Variants in FIBCD1 observed in about 807,000 individuals in gnomAD.
The protein encoded by FIBCD1 is fibrinogen C domain-containing protein 1.
Under a neutral mutation model 45.1 loss-of-function variants are expected in FIBCD1, and 47 were observed. The observed-to-expected ratio is 1.04, with a 90% CI of 0.82 to 1.33. The LOEUF is 1.33. FIBCD1 is among the 40% of genes most tolerant of loss of function. The probability of loss-of-function intolerance (pLI) is 0.00; values close to 1 mark genes in which losing one functional copy is unlikely to be tolerated. For synonymous variants in FIBCD1, 313 were observed against 308.1 expected, an observed-to-expected ratio of 1.02 and a Z score of -0.17; for missense variants, 653 against 682.2, an observed-to-expected ratio of 0.96 and a Z score of 0.48.
chr9:130,917,097 TAAAAC>T lies in FIBCD1; in HGVS notation c.850-5214_850-5210del, dbSNP rs71389378. Among the ~76,000 whole-genome samples, 233 of 151,740 alleles carry T rather than the reference TAAAAC, an allele frequency of 1.5e-3. 1 individual carries two copies. Among genetic ancestry groups the T allele is most frequent in the African/African-American group, 4.7e-3 (194 of 41,394 alleles). ...TGGGCAACAGAGTGAGACCTCGTCTTAAAACAAAACAAAACAAAATGGAGGCGGGG... is the reference window on the plus strand; with the variant it reads ...TGGGCAACAGAGTGAGACCTCGTCTTAAAACAAAACAAAATGGAGGCGGGG... On this transcript the variant is annotated intron_variant, in intron 4 of 6. Transcript: ENST00000372338.
intron 1 of FIBCD1, among the ~76,000 whole-genome samples, chr9:130,933,052 C>A (rs1299231158): frequency 1.3e-5 from 2 of 152,204 alleles, no homozygotes. Context: ...CCCACCCAAG[C>A]CCCTCCCTGG....
At chr9:130,924,492 G>T in intron 2 of FIBCD1, 96 bp from the exon 3 acceptor site, 1 of 1,230,400 alleles carries the variant, frequency 8.1e-7, no homozygotes, top group Non-Finnish European at 1.1e-6. Flanking sequence ...GCCCTCTCCT[G>T]AGGCAGAGGT....
At chr9:130,924,837 G>A (rs769948124) in intron 2 of FIBCD1, among the ~76,000 whole-genome samples, 1 of 152,172 alleles carries the variant, frequency 6.6e-6, no homozygotes, top group Non-Finnish European at 1.5e-5. Flanking sequence ...TCCTCACCAC[G>A]CCTCGTCTCC....
Position 130,938,667 on chromosome 9 carries a change from A to C in FIBCD1, c.-60T>G. Reference sequence around the variant, plus strand: ...CGCGCCGCTGCGGAGCGCAAAGGAGACGGGGTGGGCGCGGGCGCGGGCGCG... The same window carrying C: ...CGCGCCGCTGCGGAGCGCAAAGGAGCCGGGGTGGGCGCGGGCGCGGGCGCG... On this transcript the variant is annotated 5_prime_UTR_variant, in exon 1 of 7. Transcript: ENST00000372338. 8.3e-7 allele frequency: 1 copy of C among 1,201,248 alleles called. No homozygotes were observed. Among genetic ancestry groups the C allele is most frequent in the Non-Finnish European group, 1.1e-6 (1 of 948,146 alleles). 74.4% of individuals were successfully genotyped at this position (1,201,248 alleles called of 1,614,324 possible). A position where few individuals can be genotyped will look rare whatever the true frequency, so the allele number is the denominator to read the frequency against.
intron 4 of FIBCD1, among the ~76,000 whole-genome samples, chr9:130,918,955 C>T (rs981392770): frequency 6.6e-6 from 1 of 152,242 alleles, no homozygotes; most frequent in East Asian, 1.9e-4. Flanking sequence ...ACCACCCTCC[C>T]TGCAGAGCCA....
rs761184049 is a variant in FIBCD1 at position 130,938,525 on chromosome 9, C to A, written c.72+11G>T. ...GCCGCCCAGGCCCCGTGTCCCAGCG[C>A]CCGAGCGTACCTGCGGCTTGTCGCG... On this transcript the variant is annotated intron_variant, in intron 1 of 6. Transcript: ENST00000372338. The A allele has an allele frequency of 9.4e-6, 14 of 1,487,166 alleles. No individual in the cohort carries two copies. The highest frequency in any genetic ancestry group is 1.2e-5 in the Non-Finnish European group (14 of 1,124,504). 92.1% of individuals were successfully genotyped at this position (1,487,166 alleles called of 1,614,324 possible).
chr9:130,913,748 T>C (rs1832107884), intron 4 of FIBCD1, among the ~76,000 whole-genome samples: 3 of 152,032 alleles, frequency 2.0e-5, no homozygotes, highest in African/African-American at 7.2e-5. Flanking sequence ...TAGCAGAAGC[T>C]CAGGCACTCC....
At chr9:130,934,445 A>G (rs1832488661) in intron 1 of FIBCD1, among the ~76,000 whole-genome samples, 1 of 152,200 alleles carries the variant, frequency 6.6e-6, no homozygotes, top group African/African-American at 2.4e-5. Flanking sequence ...CTCAGGCCAC[A>G]GGGAGGGGCG....
At chr9:130,923,620 G>T in intron 4 of FIBCD1, 124 bp downstream of exon 4, 1 of 1,413,556 alleles carries the variant, frequency 7.1e-7, no homozygotes, top group Non-Finnish European at 9.5e-7. Context: ...CACCAGGGCA[G>T]GGCCAGTCCA....
rs1054337619 is a variant in FIBCD1 at position 130,933,582 on chromosome 9, G to A, written c.73-3536C>T. Among the ~76,000 whole-genome samples, 6 of 152,288 alleles carry A rather than the reference G, an allele frequency of 3.9e-5. No individual in the cohort carries two copies. The East Asian group carries it at 1.2e-3, about 29-fold the overall frequency. ...CCACCCAGGGTTCACGGCTGCCTACGAAGCCTTGGCCAAAAGGAGGATAAA... is the reference window on the plus strand; with the variant it reads ...CCACCCAGGGTTCACGGCTGCCTACAAAGCCTTGGCCAAAAGGAGGATAAA... On this transcript the variant is annotated intron_variant, in intron 1 of 6. Coordinates refer to ENST00000372338, the MANE Select transcript of FIBCD1 (RefSeq NM_032843.5).
intron 4 of FIBCD1, among the ~76,000 whole-genome samples, chr9:130,912,464 T>C (rs1832075390): frequency 6.7e-6 from 1 of 149,604 alleles, no homozygotes; most frequent in South Asian, 2.1e-4. Flanking sequence ...CCCAGAACTT[T>C]GGGAGGCCGA....
At chr9:130,938,283 G>A (rs1832551314) in intron 1 of FIBCD1, 1 of 405,928 alleles carries the variant, frequency 2.5e-6, no homozygotes, top group Admixed American at 4.8e-5. Flanking sequence ...GGGGCTGCTG[G>A]GGGTGCGGGG....
chr9:130,911,162 C>T (rs1024105826), intron 5 of FIBCD1, among the ~76,000 whole-genome samples: 3 of 152,228 alleles, frequency 2.0e-5, no homozygotes, highest in Non-Finnish European at 4.4e-5. Flanking sequence ...GCAACACTCA[C>T]CGTGAAGGTC....
At chr9:130,940,032 A>C (rs1270309510), upstream of FIBCD1, among the ~76,000 whole-genome samples, 1 of 151,288 alleles carries the variant, frequency 6.6e-6, no homozygotes, top group Admixed American at 6.6e-5. Flanking sequence ...CTTCTCCCCA[A>C]AGCTGTTTTC....
At chr9:130,911,539 C>T (rs1255092880) in intron 5 of FIBCD1, among the ~76,000 whole-genome samples, 1 of 152,262 alleles carries the variant, frequency 6.6e-6, no homozygotes, top group East Asian at 1.9e-4. Flanking sequence ...AAGTGGCCTC[C>T]AAGGGCATGT....
intron 4 of FIBCD1, among the ~76,000 whole-genome samples, chr9:130,917,419 G>A (rs906842318): frequency 8.5e-5 from 13 of 152,242 alleles, no homozygotes; most frequent in Non-Finnish European, 1.8e-4. Flanking sequence ...GGTGCTGGGC[G>A]GGTTCAAAGG....
At position 130,929,901 on chromosome 9, in the gene FIBCD1, G is replaced by GC; in HGVS notation, c.217dup (p.Ala73GlyfsTer23). ...AGTGACCAGGGCGCTGTTGGCGCTG[G>GC]CAGCCCCAGTGCTGACGACAGGTGG... On this transcript the variant is annotated frameshift_variant, in exon 2 of 7. Coordinates refer to ENST00000372338, the MANE Select transcript of FIBCD1 (RefSeq NM_032843.5). LOFTEE classifies it high-confidence loss of function. 6.5e-7 allele frequency: 1 copy of GC among 1,549,486 alleles called. No individual in the cohort carries two copies. The highest frequency in any genetic ancestry group is 8.7e-7 in the Non-Finnish European group (1 of 1,146,566).
chr9:130,933,288 T>A (rs1270084837), intron 1 of FIBCD1, among the ~76,000 whole-genome samples: 1 of 152,192 alleles, frequency 6.6e-6, no homozygotes, highest in East Asian at 1.9e-4. Context: ...CTCTGGGCGC[T>A]GAGCAGCCCA....
At chr9:130,921,057 G>A (rs982217298) in intron 4 of FIBCD1, among the ~76,000 whole-genome samples, 6 of 152,228 alleles carry the variant, frequency 3.9e-5, no homozygotes, top group Non-Finnish European at 2.9e-5. Context: ...GCGCTGGCGT[G>A]ATGCCGGGGG....
Sources: allele counts gnomAD v4.1 joint callset (sites outside exome capture counted in the v4.1 genomes callset), GRCh38; gene constraint gnomAD v4.1.1; transcripts MANE v1.5; gene names NCBI Gene and HGNC (gene_info 2026-07-23, HGNC 2026-07-21).